The following SLC24A1 variants were observed in gnomAD, a reference collection of about 807,000 sequenced individuals.
The protein encoded by SLC24A1 is solute carrier family 24 member 1.
Under a neutral mutation model 88.1 loss-of-function variants are expected in SLC24A1, and 52 were observed. That is an observed-to-expected ratio of 0.59 (90% confidence interval 0.47 to 0.74). The LOEUF (loss-of-function observed/expected upper bound fraction) is 0.74. Ranked by LOEUF, SLC24A1 falls within the 30% of genes least tolerant of loss-of-function variation. The probability of loss-of-function intolerance (pLI) is 0.00; values close to 1 mark genes in which losing one functional copy is unlikely to be tolerated. For missense variants in SLC24A1, 1,173 were observed against 1,363.3 expected (o/e 0.86, Z 2.20); for synonymous variants, 455 against 498.0 (o/e 0.91, Z 1.15).
At chr15:65,643,095 T>C (rs991717880) in intron 4 of SLC24A1, 13 of 1,106,114 alleles carry the variant, frequency 1.2e-5, no homozygotes, top group Admixed American at 2.3e-5. Context: ...GAGTGCTTTC[T>C]AGGTGCCAGA....
At chr15:65,611,441 C>G in exon 1 of SLC24A1, 1 of 533,270 alleles carries the variant, frequency 1.9e-6, no homozygotes, top group Non-Finnish European at 3.4e-6. Context: ...GGGCTCTTTC[C>G]TTCCCCTTCT....
rs754994625 is a variant in SLC24A1, at chr15:65,625,427, G to A, written c.1347G>A (p.Glu449=). The change falls in exon 2 of 10, where the codon GAG becomes GAA. Residue 449 remains glutamate (E), a synonymous_variant. Transcript: ENST00000261892. Reference sequence around the variant, plus strand: ...CCCCAGATCTGTTCAGTGTGGAGGAGCGGCGGCAGGGCTGGGTGGTCCTGC... The same window carrying A: ...CCCCAGATCTGTTCAGTGTGGAGGAACGGCGGCAGGGCTGGGTGGTCCTGC... ...EYPPDLFSVE[E]RRQGWVVLHV... is the part of the protein sequence containing the mutation. The A allele has an allele frequency of 6.2e-7, 1 of 1,614,080 alleles. No individual in the cohort carries two copies. The highest frequency in any genetic ancestry group is 1.1e-5 in the South Asian group (1 of 91,086).
intron 2 of SLC24A1, among the ~76,000 whole-genome samples, chr15:65,637,889 T>C (rs1208220556): frequency 6.6e-6 from 1 of 152,032 alleles, no homozygotes; most frequent in Non-Finnish European, 1.5e-5. Context: ...CCAAAGACAG[T>C]TGGTGCCACT....
At chr15:65,636,873 A>AATG (rs2141582911) in intron 2 of SLC24A1, among the ~76,000 whole-genome samples, 1 of 149,430 alleles carries the variant, frequency 6.7e-6, no homozygotes, top group South Asian at 2.1e-4. Context: ...TAATAATAAT[A>AATG]ATAATAATAA....
chr15:65,654,217 A>T lies in SLC24A1; in HGVS notation c.*138A>T. On this transcript the variant is annotated 3_prime_UTR_variant, in exon 10 of 10. Transcript: ENST00000261892. Reference sequence around the variant, plus strand: ...ACCTAGGACCTCTGATATGAATGTGATCTGAGACTAAAGTTTGTCCTTGGA... The same window carrying T: ...ACCTAGGACCTCTGATATGAATGTGTTCTGAGACTAAAGTTTGTCCTTGGA... 6.9e-7 allele frequency: 1 copy of T among 1,446,264 alleles called. No individual in the cohort carries two copies. Among genetic ancestry groups the T allele is most frequent in the Non-Finnish European group, 9.1e-7 (1 of 1,104,684 alleles). 89.6% of individuals were successfully genotyped at this position (1,446,264 alleles called of 1,614,324 possible). A position where few individuals can be genotyped will look rare whatever the true frequency, so the allele number is the denominator to read the frequency against.
chr15:65,617,605 A>T (rs528178879), upstream of SLC24A1, among the ~76,000 whole-genome samples: 24 of 152,316 alleles, frequency 1.6e-4, no homozygotes, highest in Admixed American at 1.2e-3. Flanking sequence ...GAAGTTGCTT[A>T]TCAGCTTAAG....
At chr15:65,618,402 T>C (rs1443076050), upstream of SLC24A1, among the ~76,000 whole-genome samples, 1 of 152,210 alleles carries the variant, frequency 6.6e-6, no homozygotes, top group East Asian at 1.9e-4. Flanking sequence ...TATAATTGAC[T>C]ATTGTAAAGA....
intron 2 of SLC24A1, among the ~76,000 whole-genome samples, 157 bp from the exon 3 acceptor site, chr15:65,637,971 G>A (rs141365230): frequency 6.6e-6 from 1 of 152,216 alleles, no homozygotes; most frequent in Non-Finnish European, 1.5e-5. Context: ...TAGAAGGTCA[G>A]ACTGGAGGGA....
At chr15:65,637,981 A>G (rs1157005047) in intron 2 of SLC24A1, 147 bp from the exon 3 acceptor site, 1 of 672,682 alleles carries the variant, frequency 1.5e-6, no homozygotes, top group African/African-American at 1.8e-5. Context: ...GACTGGAGGG[A>G]TGGAACATGT....
chr15:65,638,820 A>AGGAGGGAGGAAGAAGAGAAG (rs375467049), intron 3 of SLC24A1, among the ~76,000 whole-genome samples: 139 of 152,214 alleles, frequency 9.1e-4, no homozygotes, highest in African/African-American at 3.2e-3. Flanking sequence ...GGGGGAAGAA[A>AGGAGGGAGGAAGAAGAGAAG]GGAGGGAGGA....
intron 2 of SLC24A1, among the ~76,000 whole-genome samples, chr15:65,631,980 C>T (rs949269524): frequency 6.6e-6 from 1 of 152,086 alleles, no homozygotes; most frequent in African/African-American, 2.4e-5. Context: ...TACAGGCACA[C>T]GCCACCACAC....
Position 65,650,537 on chromosome 15 carries a change from T to C in SLC24A1, c.2388T>C (p.Asp796=), listed in dbSNP as rs2141706915. Residue 796 remains aspartate (D), a synonymous_variant, in exon 7 of 10, where the codon GAT becomes GAC. Transcript: ENST00000261892. The surrounding 1 kb of genome is among the most constrained non-coding windows in gnomAD (Gnocchi z 4.1). ...ETQGKGEECE[D]ENEAEGKGDN... is the part of the protein sequence containing the mutation. ...AAGGAAAAGGAGAAGAATGTGAAGATGAAAATGAAGCAGAAGGAAAAGGAG... is the reference window on the plus strand; with the variant it reads ...AAGGAAAAGGAGAAGAATGTGAAGACGAAAATGAAGCAGAAGGAAAAGGAG... The C allele has an allele frequency of 6.4e-7, 1 of 1,551,356 alleles. No homozygotes were observed. The highest frequency in any genetic ancestry group is 8.7e-7 in the Non-Finnish European group (1 of 1,146,960).
chr15:65,644,570 T>A, intron 5 of SLC24A1, 57 bp downstream of exon 5: 1 of 1,278,618 alleles, frequency 7.8e-7, no homozygotes, highest in Non-Finnish European at 1.1e-6. Flanking sequence ...CTGCTGTCAG[T>A]AGTGAGCTTG....
chr15:65,638,072 A>G, intron 2 of SLC24A1, 56 bp from the exon 3 acceptor site: 2 of 1,219,730 alleles, frequency 1.6e-6, no homozygotes, highest in East Asian at 2.4e-5. Flanking sequence ...AAAGGGATGT[A>G]GGGAGAAAGT....
At position 65,656,111 on chromosome 15, in the gene SLC24A1, C is replaced by G. The variant is rs1263516103; in HGVS notation, c.*2032C>G. 1.0e-6 allele frequency: 1 copy of G among 985,320 alleles called. No individual in the cohort carries two copies. The highest frequency in any genetic ancestry group is 6.1e-5 in the Admixed American group (1 of 16,270). The allele number at this position is 985,320 out of a possible 1,614,324, so 61.0% of individuals were successfully genotyped here. A position where few individuals can be genotyped will look rare whatever the true frequency, so the allele number is the denominator to read the frequency against. ...TAACCTGGTGTCTGCAGCCCGTTCC[C>G]GTTAGCCTCGGGGATGTCACCTCAC... On this transcript the variant is annotated 3_prime_UTR_variant, in exon 10 of 10. Transcript: ENST00000261892.
upstream of SLC24A1, among the ~76,000 whole-genome samples, chr15:65,621,160 C>T (rs2074305755): frequency 6.6e-6 from 1 of 152,214 alleles, no homozygotes; most frequent in Non-Finnish European, 1.5e-5. Context: ...CACCCAGGTA[C>T]TCTGGAGGAA....
In SLC24A1 at chr15:65,635,092, G is replaced by A. The variant is rs376018067; in HGVS notation, c.1891-3036G>A. On this transcript the variant is annotated intron_variant, in intron 2 of 9. Transcript: ENST00000261892. ...CTGAATGGCAGAGAAACCATTAGGGGTGTGCACCATGGGGCAAAGATCAGT... is the reference window on the plus strand; with the variant it reads ...CTGAATGGCAGAGAAACCATTAGGGATGTGCACCATGGGGCAAAGATCAGT... Among the ~76,000 whole-genome samples, 208 of 152,242 alleles carry A rather than the reference G, an allele frequency of 1.4e-3. 1 individual carries two copies. Among genetic ancestry groups the A allele is most frequent in the African/African-American group, 4.7e-3 (194 of 41,546 alleles).
At chr15:65,631,048 T>C (rs1596316834) in intron 2 of SLC24A1, among the ~76,000 whole-genome samples, 1 of 150,326 alleles carries the variant, frequency 6.7e-6, no homozygotes, top group Non-Finnish European at 1.5e-5. Flanking sequence ...TGCCAGCAGA[T>C]GACAAAATGA....
intron 2 of SLC24A1, among the ~76,000 whole-genome samples, chr15:65,637,026 G>T (rs538744489): frequency 6.6e-6 from 1 of 151,360 alleles, no homozygotes; most frequent in Non-Finnish European, 1.5e-5. Flanking sequence ...AGTTCATTGC[G>T]TGGCAAAAAA....
Sources: allele counts gnomAD v4.1 joint callset (sites outside exome capture counted in the v4.1 genomes callset), GRCh38; gene constraint gnomAD v4.1.1; non-coding constraint Gnocchi (gnomAD v3.1); transcripts MANE v1.5; gene names NCBI Gene and HGNC (gene_info 2026-07-23, HGNC 2026-07-21).